The following PCDHA7 variants were observed in gnomAD, a reference collection of about 807,000 sequenced individuals.
PCDHA7 encodes the protein protocadherin alpha-7.
In PCDHA7, 37 loss-of-function variants were observed where a neutral mutation model predicts 57.2. The observed-to-expected ratio is 0.65, with a 90% CI of 0.50 to 0.85. The LOEUF (loss-of-function observed/expected upper bound fraction) is 0.85, where lower values mean the gene tolerates loss of function less well. PCDHA7 is among the 40% of genes least tolerant of loss of function. The pLI is 0.00. For synonymous variants in PCDHA7, 553 were observed against 558.8 expected (o/e 0.99, Z 0.15); for missense variants, 1,188 against 1,241.8 (o/e 0.96, Z 0.65).
intron 2 of PCDHA7, among the ~76,000 whole-genome samples, chr5:140,981,682 C>T (rs2096944253): frequency 6.6e-6 from 1 of 151,668 alleles, no homozygotes; most frequent in South Asian, 2.1e-4. Flanking sequence ...TCCTTCCTCC[C>T]TTCCATCATT....
chr5:140,963,570 G>A (rs1011231723), intron 1 of PCDHA7, among the ~76,000 whole-genome samples: 6 of 152,180 alleles, frequency 3.9e-5, no homozygotes, highest in African/African-American at 1.2e-4. Flanking sequence ...TTCTGGTTTT[G>A]TTCTCAAAAT....
At chr5:140,889,949 A>G (rs1444545834) in intron 1 of PCDHA7, among the ~76,000 whole-genome samples, 1 of 152,202 alleles carries the variant, frequency 6.6e-6, no homozygotes, top group South Asian at 2.1e-4. Flanking sequence ...GAGAAGCCAA[A>G]TGGATAGAAA....
At chr5:140,877,127 A>G (rs2056869003) in intron 1 of PCDHA7, 1 of 1,613,602 alleles carries the variant, frequency 6.2e-7, no homozygotes, top group African/African-American at 1.3e-5. Flanking sequence ...GTGACGCTGC[A>G]GGTGTTCGTG....
chr5:140,966,923 G>A (rs781929029), intron 1 of PCDHA7: 36 of 1,602,826 alleles, frequency 2.2e-5, no homozygotes, highest in Non-Finnish European at 3.0e-5. Context: ...AGAGGAGCAG[G>A]CACCCGGCGC....
At chr5:140,865,535 T>C (rs2048909108) in intron 1 of PCDHA7, 3 of 152,192 alleles carry the variant, frequency 2.0e-5, no homozygotes, top group South Asian at 2.1e-4. Context: ...TCTTCATCCA[T>C]AGCTATAGGA....
At chr5:140,839,779 T>A (rs1475940680) in intron 1 of PCDHA7, among the ~76,000 whole-genome samples, 1 of 152,032 alleles carries the variant, frequency 6.6e-6, no homozygotes, top group Non-Finnish European at 1.5e-5. Context: ...TGGTAAGAAT[T>A]TTGTAGAAAT....
chr5:141,008,022 T>C (rs1355928123), intron 3 of PCDHA7, among the ~76,000 whole-genome samples: 3 of 152,226 alleles, frequency 2.0e-5, no homozygotes, highest in Non-Finnish European at 4.4e-5. Context: ...TCCTTTTTTT[T>C]CTTGTTAATC....
intron 1 of PCDHA7, among the ~76,000 whole-genome samples, chr5:140,910,884 T>C (rs748501328): frequency 3.3e-5 from 5 of 152,254 alleles, no homozygotes; most frequent in Non-Finnish European, 7.3e-5. Flanking sequence ...ACCCTTAATA[T>C]CCATTCCTAT....
chr5:140,990,535 A>T (rs1450949471), intron 3 of PCDHA7, among the ~76,000 whole-genome samples: 1 of 152,182 alleles, frequency 6.6e-6, no homozygotes, highest in African/African-American at 2.4e-5. Context: ...ACTGTGCATC[A>T]TAGATACTGT....
chr5:140,884,116 C>T (rs1554181240), intron 1 of PCDHA7: 2 of 1,613,304 alleles, frequency 1.2e-6, no homozygotes, highest in South Asian at 2.2e-5. Context: ...TGGCGGCGGT[C>T]GGCGCGCGCA....
intron 1 of PCDHA7, chr5:140,884,143 G>A: frequency 6.2e-7 from 1 of 1,613,438 alleles, no homozygotes; most frequent in Non-Finnish European, 8.5e-7. Context: ...TCCGCGTGGG[G>A]CTGTACACTG....
chr5:140,945,275 A>G (rs1205952276), intron 1 of PCDHA7, among the ~76,000 whole-genome samples: 2 of 152,186 alleles, frequency 1.3e-5, no homozygotes, highest in Non-Finnish European at 2.9e-5. Context: ...TGAAAACTTT[A>G]AAACATTGAT....
At chr5:140,841,784 G>T in intron 1 of PCDHA7, 1 of 1,613,930 alleles carries the variant, frequency 6.2e-7, no homozygotes. Flanking sequence ...GTTTCCGCTA[G>T]AGGGCGCGTC....
Position 140,951,565 on chromosome 5 carries a change from T to G in PCDHA7, c.2356-27384T>G, listed in dbSNP as rs151148481. Among the ~76,000 whole-genome samples the G allele has an allele frequency of 1.4e-3, 220 of 152,132 alleles. 1 individual carries two copies. Among genetic ancestry groups the G allele is most frequent in the African/African-American group, 4.9e-3 (203 of 41,508 alleles). ...GGACGGGGGGAAGTGCTACGCACTT[T>G]TAAACAACCAGATTTCACGAGATCT... On this transcript the variant is annotated intron_variant, in intron 1 of 3. Transcript: ENST00000525929.
intron 1 of PCDHA7, among the ~76,000 whole-genome samples, chr5:140,941,768 T>C (rs576405772): frequency 2.6e-5 from 4 of 152,254 alleles, no homozygotes; most frequent in Non-Finnish European, 5.9e-5. Context: ...TTTAAGATAA[T>C]TGTTTTAATG....
At chr5:140,870,849 G>A (rs2052464243) in intron 1 of PCDHA7, 2 of 1,613,878 alleles carry the variant, frequency 1.2e-6, no homozygotes, top group Non-Finnish European at 1.7e-6. Context: ...TAGTACCGCG[G>A]TCGGTGGGTG....
chr5:140,938,468 A>G (rs1427570517), intron 1 of PCDHA7, among the ~76,000 whole-genome samples: 1 of 152,096 alleles, frequency 6.6e-6, no homozygotes, highest in African/African-American at 2.4e-5. Context: ...TTAATTTATT[A>G]TGTTTTTTAA....
At chr5:140,880,064 G>C (rs967410421) in intron 1 of PCDHA7, among the ~76,000 whole-genome samples, 2 of 152,148 alleles carry the variant, frequency 1.3e-5, no homozygotes, top group African/African-American at 2.4e-5. Context: ...ACTTTTTGGG[G>C]ACCACAATTC....
chr5:140,882,002 G>A (rs2153382146), intron 1 of PCDHA7: 1 of 489,088 alleles, frequency 2.0e-6, no homozygotes, highest in South Asian at 5.2e-5. Context: ...AAATGCAAGG[G>A]GCAAAAAAAT....
Sources: allele counts gnomAD v4.1 joint callset (sites outside exome capture counted in the v4.1 genomes callset), GRCh38; gene constraint gnomAD v4.1.1; transcripts MANE v1.5; gene names NCBI Gene and HGNC (gene_info 2026-07-23, HGNC 2026-07-21).